The following DCP2 variants were observed in gnomAD, a reference collection of about 807,000 sequenced individuals.
DCP2 encodes decapping mRNA 2.
DCP2 carries 30 observed loss-of-function variants against 56.1 expected under a neutral mutation model. The ratio of observed to expected loss-of-function variants is 0.53; its 90% CI spans 0.40 to 0.73. The LOEUF (loss-of-function observed/expected upper bound fraction) is 0.73. Ranked by LOEUF, DCP2 falls within the 30% of genes least tolerant of loss-of-function variation. The pLI is 0.00. For synonymous variants in DCP2, 197 were observed against 163.3 expected (o/e 1.21, Z -1.57); for missense variants, 533 against 502.7 (o/e 1.06, Z -0.58).
chr5:112,989,250 A>G (rs1748458531), intron 2 of DCP2, among the ~76,000 whole-genome samples: 1 of 152,182 alleles, frequency 6.6e-6, no homozygotes, highest in African/African-American at 2.4e-5. Flanking sequence ...CCACTCGAAA[A>G]TCTTGGGTAG....
At chr5:113,000,734 A>G (rs761010620) in intron 4 of DCP2, among the ~76,000 whole-genome samples, 58 of 152,210 alleles carry the variant, frequency 3.8e-4, no homozygotes, top group Non-Finnish European at 1.5e-4. Context: ...CCTTCTGTAT[A>G]TAAATGTTAA....
chr5:113,004,854 G>T (rs1020508363), intron 8 of DCP2, among the ~76,000 whole-genome samples: 2 of 150,226 alleles, frequency 1.3e-5, no homozygotes, highest in Non-Finnish European at 2.9e-5. Flanking sequence ...TTGGCCAGGC[G>T]TGGTGGCTCA....
intron 1 of DCP2, among the ~76,000 whole-genome samples, chr5:112,978,992 A>T (rs991191332): frequency 6.6e-6 from 1 of 152,216 alleles, no homozygotes; most frequent in Admixed American, 6.5e-5. Context: ...CTAGGATTAC[A>T]TCATTTAAAT....
chr5:112,987,778 T>A (rs931382180), intron 2 of DCP2, among the ~76,000 whole-genome samples: 1 of 151,920 alleles, frequency 6.6e-6, no homozygotes, highest in African/African-American at 2.4e-5. Flanking sequence ...CCAAACTGAT[T>A]TTTATTCCAT....
chr5:113,013,559 C>A lies in DCP2; in HGVS notation c.*75C>A. On this transcript the variant is annotated 3_prime_UTR_variant, in exon 11 of 11. Transcript: ENST00000389063. Reference sequence around the variant, plus strand: ...TGAGTGGGTGTCTCCTCAAGCCTTACCTTTCTCAGGTGTTTTAAAGAAATG... The same window carrying A: ...TGAGTGGGTGTCTCCTCAAGCCTTAACTTTCTCAGGTGTTTTAAAGAAATG... 1 of 1,530,912 alleles carries A rather than the reference C, an allele frequency of 6.5e-7. No individual in the cohort carries two copies. The highest frequency in any genetic ancestry group is 1.4e-5 in the African/African-American group (1 of 72,476). 94.8% of individuals were successfully genotyped at this position (1,530,912 alleles called of 1,614,324 possible).
intron 1 of DCP2, among the ~76,000 whole-genome samples, chr5:112,977,198 C>T (rs962577104): frequency 6.6e-6 from 1 of 152,144 alleles, no homozygotes; most frequent in Admixed American, 6.5e-5. Context: ...CCGTCCTTCC[C>T]CGCAGAACAC....
At chr5:112,982,030 AGTGCTGGGATTACAGGC>A (rs1318679532) in intron 1 of DCP2, among the ~76,000 whole-genome samples, 2 of 152,142 alleles carry the variant, frequency 1.3e-5, no homozygotes, top group African/African-American at 4.8e-5. Context: ...GGCCTCCCAA[AGTGCTGGGATTACAGGC>A]GGGAGCCACC....
At chr5:113,003,686 T>G (rs1749283769) in intron 7 of DCP2, among the ~76,000 whole-genome samples, 1 of 149,562 alleles carries the variant, frequency 6.7e-6, no homozygotes, top group African/African-American at 2.4e-5. Flanking sequence ...TGGATAATTT[T>G]TTTAAGTCTA....
intron 4 of DCP2, among the ~76,000 whole-genome samples, chr5:112,998,552 G>C (rs1366300928): frequency 6.6e-6 from 1 of 152,140 alleles, no homozygotes; most frequent in Non-Finnish European, 1.5e-5. Context: ...TCACTGCCTA[G>C]AACAGTGCCT....
intron 4 of DCP2, among the ~76,000 whole-genome samples, chr5:112,996,009 C>G (rs934522319): frequency 2.0e-5 from 3 of 152,166 alleles, no homozygotes; most frequent in African/African-American, 4.8e-5. Context: ...CCAGCCCTGT[C>G]AGATTAGGGC....
chr5:113,007,294 A>G (rs1204042653), intron 8 of DCP2, among the ~76,000 whole-genome samples: 1 of 152,150 alleles, frequency 6.6e-6, no homozygotes, highest in Non-Finnish European at 1.5e-5. Flanking sequence ...GTCCCTCGGC[A>G]TTCCTTTACA....
At chr5:112,980,504 C>T (rs948949411) in intron 1 of DCP2, among the ~76,000 whole-genome samples, 4 of 152,112 alleles carry the variant, frequency 2.6e-5, no homozygotes, top group Admixed American at 6.5e-5. Context: ...CAGTTTTTTC[C>T]GTAACAAATT....
Position 112,976,951 on chromosome 5 carries a change from G to T in DCP2, c.18G>T (p.Val6=). 2 of 1,599,758 alleles carry T rather than the reference G, an allele frequency of 1.3e-6. No individual in the cohort carries two copies. The highest frequency in any genetic ancestry group is 1.7e-6 in the Non-Finnish European group (2 of 1,169,470). Residue 6 remains valine, a synonymous_variant, in exon 1 of 11, where the codon GTG becomes GTT. Coordinates refer to ENST00000389063, the MANE Select transcript of DCP2 (RefSeq NM_152624.6). METKR[V]EIPGSVLDDL... ...TCCTCATCATGGAGACCAAACGGGT[G>T]GAGATTCCCGGCAGCGTCCTGGACG...
At chr5:112,989,582 A>T (rs886284407) in intron 2 of DCP2, among the ~76,000 whole-genome samples, 2 of 152,230 alleles carry the variant, frequency 1.3e-5, no homozygotes, top group Non-Finnish European at 2.9e-5. Context: ...AGGCTAAAAC[A>T]TGTAGGGGTC....
rs1461317408 is a variant in DCP2, at chr5:113,015,009, T to C, written c.*1525T>C. On this transcript the variant is annotated 3_prime_UTR_variant, in exon 11 of 11. Coordinates refer to ENST00000389063, the MANE Select transcript of DCP2 (RefSeq NM_152624.6). Reference sequence around the variant, plus strand: ...GAGAAATTCTATTTATTAATGAAAGTGTCACCCTTTTGGTGCTAAGCAGGA... The same window carrying C: ...GAGAAATTCTATTTATTAATGAAAGCGTCACCCTTTTGGTGCTAAGCAGGA... 1 of 152,668 alleles carries C rather than the reference T, an allele frequency of 6.6e-6. No homozygotes were observed. The highest frequency in any genetic ancestry group is 1.5e-5 in the Non-Finnish European group (1 of 68,030). 9.5% of individuals were successfully genotyped at this position (152,668 alleles called of 1,614,324 possible). A position where few individuals can be genotyped will look rare whatever the true frequency, so the allele number is the denominator to read the frequency against.
In DCP2 at chr5:113,001,670, T is replaced by C. The variant is rs112399801; in HGVS notation, c.802T>C (p.Leu268=). The C allele has an allele frequency of 3.7e-6, 6 of 1,613,178 alleles. No homozygotes were observed. Among genetic ancestry groups the C allele is most frequent in the African/African-American group, 1.3e-5 (1 of 74,992 alleles). Residue 268 remains leucine (L), a synonymous_variant, in exon 7 of 11, where the codon TTG becomes CTG. Coordinates refer to ENST00000389063, the MANE Select transcript of DCP2 (RefSeq NM_152624.6). ...GCCGGCTAAACCCACTGTGGAAAAA[T>C]TGAGGTAAAGAAATACATTCATGGA... ...STPAKPTVEK[L]SRTKFRHSQQ...
intron 9 of DCP2, among the ~76,000 whole-genome samples, chr5:113,008,995 C>T (rs1481282656): frequency 6.6e-6 from 1 of 152,134 alleles, no homozygotes; most frequent in African/African-American, 2.4e-5. Context: ...AGGTGTGCGC[C>T]ACCACCCCTG....
intron 2 of DCP2, among the ~76,000 whole-genome samples, chr5:112,986,976 C>T (rs903392033): frequency 6.6e-6 from 1 of 152,170 alleles, no homozygotes; most frequent in African/African-American, 2.4e-5. Flanking sequence ...GCACTCCAGC[C>T]TGGACGGCAG....
intron 4 of DCP2, among the ~76,000 whole-genome samples, chr5:112,996,554 A>G (rs1748864333): frequency 6.6e-6 from 1 of 152,222 alleles, no homozygotes; most frequent in Admixed American, 6.5e-5. Context: ...TTGGCATTCC[A>G]GAGGTGTTTT....
Sources: allele counts gnomAD v4.1 joint callset (sites outside exome capture counted in the v4.1 genomes callset), GRCh38; gene constraint gnomAD v4.1.1; transcripts MANE v1.5; gene names NCBI Gene and HGNC (gene_info 2026-07-23, HGNC 2026-07-21).